Variants in EPHA6 observed in about 807,000 individuals in gnomAD.
EPHA6 encodes the protein ephrin type-A receptor 6.
In EPHA6, 50 loss-of-function variants were observed where a neutral mutation model predicts 112.0. The ratio of observed to expected loss-of-function variants is 0.45; its 90% CI spans 0.36 to 0.56. EPHA6 has a LOEUF of 0.56. Ranked by LOEUF, EPHA6 falls within the 20% of genes least tolerant of loss-of-function variation. The probability of loss-of-function intolerance (pLI) is 0.00; values close to 1 mark genes in which losing one functional copy is unlikely to be tolerated. For missense variants in EPHA6, 1,280 were observed against 1,417.4 expected (o/e 0.90, Z 1.56); for synonymous variants, 529 against 490.7 (o/e 1.08, Z -1.03).
chr3:96,815,833 G>C (rs1026236676), intron 1 of EPHA6, among the ~76,000 whole-genome samples: 3 of 152,082 alleles, frequency 2.0e-5, no homozygotes, highest in Admixed American at 6.6e-5. Flanking sequence ...TGTGCATAAA[G>C]ATCTATAAAA....
chr3:96,961,444 T>C (rs1442246731), intron 2 of EPHA6, among the ~76,000 whole-genome samples: 2 of 152,228 alleles, frequency 1.3e-5, no homozygotes, highest in Non-Finnish European at 2.9e-5. Flanking sequence ...AGTGTCTTTA[T>C]AGATGCTATT....
At chr3:97,424,512 A>G (rs1413159825) in intron 6 of EPHA6, among the ~76,000 whole-genome samples, 1 of 152,126 alleles carries the variant, frequency 6.6e-6, no homozygotes, top group Non-Finnish European at 1.5e-5. Context: ...AAAAATCAAA[A>G]GCAAATTAGT....
intron 7 of EPHA6, among the ~76,000 whole-genome samples, chr3:97,457,391 T>A (rs74882237): frequency 0.047 from 7,224 of 152,186 alleles, 575 homozygotes; most frequent in African/African-American, 0.16. Flanking sequence ...GGTTTCTGTT[T>A]TAATTTTATG....
At chr3:97,354,783 C>T (rs2083983862) in intron 5 of EPHA6, among the ~76,000 whole-genome samples, 1 of 151,940 alleles carries the variant, frequency 6.6e-6, no homozygotes, top group Non-Finnish European at 1.5e-5. Flanking sequence ...CAGGTTTAAC[C>T]CAAATAAGAA....
At chr3:97,211,769 T>C (rs2077883561) in intron 3 of EPHA6, among the ~76,000 whole-genome samples, 1 of 152,174 alleles carries the variant, frequency 6.6e-6, no homozygotes, top group South Asian at 2.1e-4. Context: ...AAGTGAAAAC[T>C]GATGCACATG....
At chr3:97,111,014 T>G (rs2108281923) in intron 3 of EPHA6, among the ~76,000 whole-genome samples, 1 of 152,212 alleles carries the variant, frequency 6.6e-6, no homozygotes, top group African/African-American at 2.4e-5. Context: ...CTTAGAAATT[T>G]TTTCACTATA....
intron 14 of EPHA6, among the ~76,000 whole-genome samples, chr3:97,654,820 G>A (rs558365482): frequency 6.6e-6 from 1 of 151,880 alleles, no homozygotes; most frequent in South Asian, 2.1e-4. Context: ...ATGGAAAAGA[G>A]TAGAAATTAT....
intron 3 of EPHA6, among the ~76,000 whole-genome samples, chr3:97,126,014 C>A (rs2048172844): frequency 6.6e-6 from 1 of 152,170 alleles, no homozygotes; most frequent in Non-Finnish European, 1.5e-5. Context: ...GAGACTTATT[C>A]AAGATCAAAT....
At chr3:97,184,981 A>C (rs1457444461) in intron 3 of EPHA6, among the ~76,000 whole-genome samples, 1 of 152,210 alleles carries the variant, frequency 6.6e-6, no homozygotes, top group Non-Finnish European at 1.5e-5. Flanking sequence ...TCCCTATTTA[A>C]TAAATGGTGC....
At chr3:96,818,320 A>G (rs1168707302) in intron 1 of EPHA6, among the ~76,000 whole-genome samples, 1 of 151,980 alleles carries the variant, frequency 6.6e-6, no homozygotes, top group African/African-American at 2.4e-5. Context: ...GTTGATGCAT[A>G]TCTAAGGGTG....
Position 96,859,940 on chromosome 3 carries a change from G to T in EPHA6, c.386-6885G>T, listed in dbSNP as rs907657294. Reference sequence around the variant, plus strand: ...CTTCTAAATGAGGGCATTTTAATCTGTTCTGCTATATATGCTATAAACTAT... The same window carrying T: ...CTTCTAAATGAGGGCATTTTAATCTTTTCTGCTATATATGCTATAAACTAT... On this transcript the variant is annotated intron_variant, in intron 1 of 17. Transcript: ENST00000389672. Among the ~76,000 whole-genome samples the T allele has an allele frequency of 7.2e-5, 11 of 152,030 alleles. No individual in the cohort carries two copies. The East Asian group carries it at 2.1e-3, about 29-fold the overall frequency.
chr3:97,304,528 T>C (rs2081231985), intron 5 of EPHA6, among the ~76,000 whole-genome samples: 1 of 152,056 alleles, frequency 6.6e-6, no homozygotes, highest in Non-Finnish European at 1.5e-5. Flanking sequence ...AACAGCATGG[T>C]ACTGGCACAA....
At chr3:97,078,945 C>T (rs965536788) in intron 3 of EPHA6, among the ~76,000 whole-genome samples, 5 of 152,164 alleles carry the variant, frequency 3.3e-5, no homozygotes, top group African/African-American at 1.2e-4. Flanking sequence ...ATTGTGAAGA[C>T]AGTGTGGCGA....
chr3:97,653,126 T>C (rs1284909222), intron 14 of EPHA6, among the ~76,000 whole-genome samples: 1 of 151,884 alleles, frequency 6.6e-6, no homozygotes, highest in Admixed American at 6.6e-5. Flanking sequence ...GGGATAAAAG[T>C]GCTTAGGGTC....
At chr3:96,907,160 A>T (rs1199345765) in intron 2 of EPHA6, among the ~76,000 whole-genome samples, 1 of 151,978 alleles carries the variant, frequency 6.6e-6, no homozygotes, top group Non-Finnish European at 1.5e-5. Context: ...TTTCTATTAT[A>T]TCATTTTTAA....
intron 1 of EPHA6, among the ~76,000 whole-genome samples, chr3:96,837,797 A>T (rs932937380): frequency 1.3e-5 from 2 of 152,100 alleles, no homozygotes; most frequent in African/African-American, 4.8e-5. Flanking sequence ...TTTATTTGAG[A>T]ATTAATGCAT....
intron 6 of EPHA6, among the ~76,000 whole-genome samples, chr3:97,445,599 T>A (rs2107303414): frequency 6.6e-6 from 1 of 152,000 alleles, no homozygotes; most frequent in Non-Finnish European, 1.5e-5. Context: ...GTGCTGATAA[T>A]GAGTTAAGCA....
intron 1 of EPHA6, among the ~76,000 whole-genome samples, chr3:96,820,992 A>C (rs1305597148): frequency 6.6e-6 from 1 of 151,850 alleles, no homozygotes; most frequent in Admixed American, 6.6e-5. Flanking sequence ...GTGATACTAG[A>C]TATAAAATAA....
intron 1 of EPHA6, among the ~76,000 whole-genome samples, chr3:96,864,792 T>C (rs1408515413): frequency 6.6e-6 from 1 of 152,164 alleles, no homozygotes. Context: ...TTAGCATTTA[T>C]TTGAATCTCG....
Sources: allele counts gnomAD v4.1 joint callset (sites outside exome capture counted in the v4.1 genomes callset), GRCh38; gene constraint gnomAD v4.1.1; transcripts MANE v1.5; gene names NCBI Gene and HGNC (gene_info 2026-07-23, HGNC 2026-07-21).